The following ZNF883 variants were observed in gnomAD, a reference collection of about 807,000 sequenced individuals.
ZNF883 encodes the protein zinc finger protein 883.
intron 2 of ZNF883, among the ~76,000 whole-genome samples, chr9:113,005,097 A>G (rs953418519): frequency 2.0e-5 from 3 of 152,124 alleles, no homozygotes; most frequent in Non-Finnish European, 4.4e-5. Context: ...ACTATAAAAG[A>G]GCCAGGAAAA....
At chr9:113,011,939 C>G (rs913883824) in intron 1 of ZNF883, among the ~76,000 whole-genome samples, 1 of 152,156 alleles carries the variant, frequency 6.6e-6, no homozygotes, top group Non-Finnish European at 1.5e-5. Context: ...CTCCTCCTCA[C>G]CCTGAAGCGG....
At chr9:112,997,665 G>A (rs368592052) in exon 1 of ZNF883, 2 of 1,613,010 alleles carry the variant, frequency 1.2e-6, no homozygotes, top group Non-Finnish European at 1.7e-6. Flanking sequence ...GTTCTCTGAT[G>A]TCGGATTAGT....
upstream of ZNF883, chr9:112,999,079 T>TG (rs1408298418): frequency 1.3e-5 from 2 of 152,154 alleles, no homozygotes; most frequent in Non-Finnish European, 2.9e-5. Flanking sequence ...TGCTTTGGAG[T>TG]GGATGCTCTG....
At chr9:113,005,406 T>C (rs889114802) in intron 2 of ZNF883, among the ~76,000 whole-genome samples, 5 of 152,062 alleles carry the variant, frequency 3.3e-5, no homozygotes, top group African/African-American at 1.2e-4. Context: ...ACGATCAATA[T>C]ACAAAAAGAT....
At chr9:112,999,744 G>A (rs539149837), upstream of ZNF883, 3 of 152,312 alleles carry the variant, frequency 2.0e-5, no homozygotes, top group African/African-American at 4.8e-5. Context: ...GGGCAGAAGG[G>A]AAAGGGGTAT....
chr9:112,994,862 CT>C (rs1357272832), downstream of ZNF883, among the ~76,000 whole-genome samples: 1 of 151,670 alleles, frequency 6.6e-6, no homozygotes, highest in African/African-American at 2.4e-5. Flanking sequence ...TTATTGCTAT[CT>C]TTTTTTTCTC....
upstream of ZNF883, chr9:112,999,830 A>G (rs941934735): frequency 6.6e-6 from 1 of 152,174 alleles, no homozygotes; most frequent in African/African-American, 2.4e-5. Flanking sequence ...AGGTCATCAA[A>G]TATCACTGTT....
intron 1 of ZNF883, among the ~76,000 whole-genome samples, chr9:112,989,389 C>T (rs959514967): frequency 6.6e-6 from 1 of 152,114 alleles, no homozygotes; most frequent in African/African-American, 2.4e-5. Flanking sequence ...ACTCCTTTCC[C>T]AATTGCTTGT....
At chr9:112,992,526 C>T (rs926280174), downstream of ZNF883, among the ~76,000 whole-genome samples, 16 of 152,104 alleles carry the variant, frequency 1.1e-4, no homozygotes, top group South Asian at 8.3e-4. Context: ...TCCTTCATTT[C>T]GACCTTGGAG....
chr9:113,011,891 C>T (rs1386497641), intron 1 of ZNF883, among the ~76,000 whole-genome samples: 3 of 152,178 alleles, frequency 2.0e-5, no homozygotes, highest in African/African-American at 7.2e-5. Flanking sequence ...ACCCAAGCCC[C>T]TGACTGTTAA....
chr9:112,996,118 A>G (rs192220319), downstream of ZNF883, among the ~76,000 whole-genome samples: 6 of 152,212 alleles, frequency 3.9e-5, no homozygotes, highest in East Asian at 1.2e-3. Context: ...AAAATTACTT[A>G]GAAACTTATT....
downstream of ZNF883, among the ~76,000 whole-genome samples, chr9:112,996,812 A>G: frequency 1.4e-5 from 2 of 147,450 alleles, no homozygotes; most frequent in South Asian, 4.4e-4. Context: ...AAAAAAAAAA[A>G]AAAAAAAAAA....
downstream of ZNF883, among the ~76,000 whole-genome samples, chr9:112,995,506 CTTCCTTCCTCTCTCTCTCT>C (rs1828342476): frequency 6.6e-6 from 1 of 151,356 alleles, no homozygotes; most frequent in South Asian, 2.1e-4. Context: ...CCTTTCCTCC[CTTCCTTCCTCTCTCTCTCT>C]TTCCTACTTT....
At chr9:113,003,580 C>CAAA (rs201780460) in intron 2 of ZNF883, among the ~76,000 whole-genome samples, 1,212 of 103,836 alleles carry the variant, frequency 0.012, 6 homozygotes, top group African/African-American at 0.026. Context: ...AGTGGAGTCT[C>CAAA]AAAAAAAAAA....
At chr9:112,990,210 G>C (rs559441743) in intron 1 of ZNF883, among the ~76,000 whole-genome samples, 2 of 152,314 alleles carry the variant, frequency 1.3e-5, no homozygotes, top group East Asian at 3.9e-4. Context: ...CAAGGGGAAA[G>C]ATTCCAGGTT....
intron 2 of ZNF883, among the ~76,000 whole-genome samples, chr9:113,010,161 A>G (rs1046646504): frequency 6.6e-5 from 10 of 152,196 alleles, no homozygotes; most frequent in African/African-American, 2.4e-4. Flanking sequence ...TAGGTGCTCA[A>G]TGAATATTTA....
At chr9:113,006,929 C>T (rs181836756) in intron 2 of ZNF883, among the ~76,000 whole-genome samples, 4 of 152,072 alleles carry the variant, frequency 2.6e-5, no homozygotes, top group Admixed American at 1.3e-4. Context: ...GGCACAGTGG[C>T]TCACGCCTGT....
At chr9:112,997,667 CG>C in exon 1 of ZNF883, 1 of 1,608,880 alleles carries the variant, frequency 6.2e-7, no homozygotes, top group East Asian at 2.2e-5. Flanking sequence ...TCTCTGATGT[CG>C]GATTAGTGAT....
intron 2 of ZNF883, among the ~76,000 whole-genome samples, chr9:113,006,933 C>G (rs778784099): frequency 6.6e-6 from 1 of 151,892 alleles, no homozygotes; most frequent in Non-Finnish European, 1.5e-5. Flanking sequence ...CAGTGGCTCA[C>G]GCCTGTAATC....
Sources: allele counts gnomAD v4.1 joint callset (sites outside exome capture counted in the v4.1 genomes callset), GRCh38; gene constraint gnomAD v4.1.1; transcripts MANE v1.5; gene names NCBI Gene and HGNC (gene_info 2026-07-23, HGNC 2026-07-21).